Variants in NOTCH2NLC observed in about 807,000 individuals in gnomAD.
The protein encoded by NOTCH2NLC is notch homolog 2 N-terminal-like protein C.
A neutral mutation model predicts 17.7 loss-of-function variants in NOTCH2NLC; 4 were observed. That is an observed-to-expected ratio of 0.23 (90% CI 0.11 to 0.52). The LOEUF is 0.52. NOTCH2NLC is among the 20% of genes least tolerant of loss of function. The pLI is 0.96. For synonymous variants in NOTCH2NLC, 18 were observed against 86.0 expected (o/e 0.21, Z 4.38); for missense variants, 57 against 207.2 (o/e 0.28, Z 4.45).
At chr1:149,442,164 G>A (rs2084523579) in intron 2 of NOTCH2NLC, among the ~76,000 whole-genome samples, 1 of 149,916 alleles carries the variant, frequency 6.7e-6, no homozygotes, top group African/African-American at 2.5e-5. Context: ...GTTTGGGATA[G>A]AAGATGGTTA....
At chr1:149,454,774 T>A (rs2101507083) in intron 2 of NOTCH2NLC, among the ~76,000 whole-genome samples, 1 of 150,474 alleles carries the variant, frequency 6.6e-6, no homozygotes, top group Admixed American at 6.7e-5. Flanking sequence ...AATTGATGTT[T>A]CAGTGGAAAT....
At chr1:149,457,758 C>G (rs2084621679) in intron 3 of NOTCH2NLC, among the ~76,000 whole-genome samples, 1 of 109,458 alleles carries the variant, frequency 9.1e-6, no homozygotes, top group South Asian at 3.7e-4. Flanking sequence ...GTTTTTCTGC[C>G]TGCTTTATAT....
chr1:149,430,184 AAAGTGCC>A (rs1420454029), intron 1 of NOTCH2NLC, among the ~76,000 whole-genome samples: 1 of 145,310 alleles, frequency 6.9e-6, no homozygotes, highest in African/African-American at 2.5e-5. Context: ...CTGAGATGGT[AAAGTGCC>A]TTTTTATTGT....
intron 1 of NOTCH2NLC, among the ~76,000 whole-genome samples, chr1:149,422,491 A>G (rs1179584797): frequency 1.4e-5 from 2 of 146,310 alleles, no homozygotes; most frequent in Non-Finnish European, 3.0e-5. Flanking sequence ...ACAGAAGAGG[A>G]ACATCTGTAT....
intron 1 of NOTCH2NLC, among the ~76,000 whole-genome samples, chr1:149,400,704 A>G (rs2084240291): frequency 7.0e-6 from 1 of 143,640 alleles, no homozygotes; most frequent in Non-Finnish European, 1.5e-5. Flanking sequence ...ATAAAAAAAT[A>G]TGTTGGAGAA....
intron 1 of NOTCH2NLC, among the ~76,000 whole-genome samples, chr1:149,398,687 G>A (rs1570898460): frequency 6.6e-6 from 1 of 151,142 alleles, no homozygotes; most frequent in South Asian, 2.1e-4. Context: ...CAGCTACGTC[G>A]CTCCAGCCAT....
chr1:149,419,881 TC>T (rs1553704625), intron 1 of NOTCH2NLC, among the ~76,000 whole-genome samples: 10 of 118,378 alleles, frequency 8.4e-5, no homozygotes, highest in Admixed American at 1.7e-4. Flanking sequence ...TTTTTTTTTT[TC>T]CTCAGGCAGA....
chr1:149,417,068 T>G (rs2084339598), intron 1 of NOTCH2NLC, among the ~76,000 whole-genome samples: 1 of 147,094 alleles, frequency 6.8e-6, no homozygotes, highest in Admixed American at 6.8e-5. Context: ...TTATGGAAGT[T>G]TGCAGATTAT....
chr1:149,393,377 C>T (rs1570896742), intron 1 of NOTCH2NLC, among the ~76,000 whole-genome samples: 3 of 151,078 alleles, frequency 2.0e-5, no homozygotes, highest in Non-Finnish European at 4.4e-5. Context: ...TTCTTAGAGT[C>T]TACAGTGAAG....
rs1252159859 is a variant in NOTCH2NLC, at chr1:149,432,411, A to G, written c.209+1396A>G. Reference sequence around the variant, plus strand: ...GATTGGAATAAAGATAACATTGGAAATAAAGGTTTTATGTAGCTTATTATG... The same window carrying G: ...GATTGGAATAAAGATAACATTGGAAGTAAAGGTTTTATGTAGCTTATTATG... On this transcript the variant is annotated intron_variant, in intron 2 of 4. Transcript: ENST00000650865. Among the ~76,000 whole-genome samples the G allele has an allele frequency of 2.6e-5, 4 of 151,240 alleles. 1 individual carries two copies. The highest frequency in any genetic ancestry group is 5.9e-5 in the Non-Finnish European group (4 of 67,638).
At position 149,465,189 on chromosome 1, in the gene NOTCH2NLC, TTAACA is replaced by T. The variant is rs1344515154; in HGVS notation, c.*1040_*1044del. Reference sequence around the variant, plus strand: ...TTCTAGATACTAAATAAGTATTTTCTTAACATAATATTACTATCCACTTTATCTTG... The same window carrying T: ...TTCTAGATACTAAATAAGTATTTTCTTAATATTACTATCCACTTTATCTTG... On this transcript the variant is annotated 3_prime_UTR_variant, in exon 5 of 5. Transcript: ENST00000650865. 1.4e-5 allele frequency: 1 copy of T among 69,122 alleles called. No homozygotes were observed. Among genetic ancestry groups the T allele is most frequent in the Non-Finnish European group, 2.8e-5 (1 of 36,040 alleles). The allele number at this position is 69,122 out of a possible 1,614,324, so 4.3% of individuals were successfully genotyped here.
In NOTCH2NLC at chr1:149,471,200, A is replaced by T. The variant is rs879243655; in HGVS notation, c.*7047A>T. 1.3e-3 allele frequency among the ~76,000 whole-genome samples: 190 copies of T among 150,778 alleles called. No individual in the cohort carries two copies. Among genetic ancestry groups the T allele is most frequent in the African/African-American group, 4.4e-3 (180 of 40,760 alleles). Reference sequence around the variant, plus strand: ...TTTAATATTGAACTGTAATAGTTTTAAAAAAATATATCCTAAATACAAGTC... The same window carrying T: ...TTTAATATTGAACTGTAATAGTTTTTAAAAAATATATCCTAAATACAAGTC... On this transcript the variant is annotated 3_prime_UTR_variant, in exon 5 of 5. Coordinates refer to ENST00000650865, the MANE Select transcript of NOTCH2NLC (RefSeq NM_001364013.2).
In NOTCH2NLC at chr1:149,405,487, A is replaced by T. The variant is rs1346772237; in HGVS notation, c.135+14565A>T. ...AAGTTAAGGAATGTTCATCCAGATC[A>T]CCTAGCCAGTCAGTGGTAAAGAACG... On this transcript the variant is annotated intron_variant, in intron 1 of 4. Transcript: ENST00000650865. Among the ~76,000 whole-genome samples the T allele has an allele frequency of 1.6e-3, 242 of 147,366 alleles. 3 individuals are homozygous for T. The highest frequency in any genetic ancestry group is 2.9e-3 in the Non-Finnish European group (191 of 66,572).
intron 1 of NOTCH2NLC, among the ~76,000 whole-genome samples, chr1:149,398,703 C>A (rs1449747807): frequency 2.0e-5 from 3 of 151,124 alleles, no homozygotes; most frequent in Admixed American, 6.6e-5. Flanking sequence ...GCCATGGTAC[C>A]CCGGGTCCTC....
intron 1 of NOTCH2NLC, among the ~76,000 whole-genome samples, chr1:149,427,563 A>G (rs1178708128): frequency 1.3e-5 from 1 of 77,546 alleles, no homozygotes; most frequent in Admixed American, 1.4e-4. Flanking sequence ...CAGTGGAGCA[A>G]TCTCGGCTCA....
intron 1 of NOTCH2NLC, among the ~76,000 whole-genome samples, chr1:149,412,020 G>A (rs2084300600): frequency 1.9e-5 from 2 of 106,418 alleles, no homozygotes; most frequent in Admixed American, 1.0e-4. Flanking sequence ...GGAGGCTGAG[G>A]CAGGAGGATT....
rs1312806697 is a variant in NOTCH2NLC, at chr1:149,417,815, A to G, written c.136-13127A>G. Among the ~76,000 whole-genome samples, 4 of 148,096 alleles carry G rather than the reference A, an allele frequency of 2.7e-5. No individual in the cohort carries two copies. The South Asian group carries it at 8.7e-4, about 32-fold the overall frequency. ...GAGATGTTAATCCTAAATATATTCT[A>G]TGGAGTACTATCAGATGCCTTGCTT... On this transcript the variant is annotated intron_variant, in intron 1 of 4. Transcript: ENST00000650865.
intron 3 of NOTCH2NLC, among the ~76,000 whole-genome samples, chr1:149,462,922 G>T (rs1170610372): frequency 7.5e-6 from 1 of 132,874 alleles, no homozygotes; most frequent in South Asian, 2.6e-4. Flanking sequence ...TGCAACCTCC[G>T]CCTCCTGGGT....
intron 1 of NOTCH2NLC, among the ~76,000 whole-genome samples, chr1:149,402,330 C>T (rs1397038110): frequency 6.6e-6 from 1 of 150,906 alleles, no homozygotes; most frequent in Non-Finnish European, 1.5e-5. Flanking sequence ...ATCCACCCAC[C>T]TCAGCCTCCC....
Sources: allele counts gnomAD v4.1 joint callset (sites outside exome capture counted in the v4.1 genomes callset), GRCh38; gene constraint gnomAD v4.1.1; transcripts MANE v1.5; gene names NCBI Gene and HGNC (gene_info 2026-07-23, HGNC 2026-07-21).